The following CISD1 variants were observed in gnomAD, a reference collection of about 807,000 sequenced individuals.
CISD1 encodes CDGSH iron-sulfur domain-containing protein 1.
A neutral mutation model predicts 12.0 loss-of-function variants in CISD1; 8 were observed. That is an observed-to-expected ratio of 0.67 (90% CI 0.39 to 1.20). CISD1 has a LOEUF of 1.20. CISD1 is among the 50% of genes most tolerant of loss of function. CISD1 has a pLI of 0.01. For synonymous variants in CISD1, 38 were observed against 42.2 expected (o/e 0.90, Z 0.39); for missense variants, 107 against 132.7 (o/e 0.81, Z 0.95).
intron 1 of CISD1, among the ~76,000 whole-genome samples, chr10:58,274,162 G>C (rs1839284065): frequency 6.6e-6 from 1 of 152,028 alleles, no homozygotes; most frequent in South Asian, 2.1e-4. Flanking sequence ...AAAAGAATTG[G>C]GTCTCAGTAA....
chr10:58,272,911 T>G (rs1022928515), intron 1 of CISD1, among the ~76,000 whole-genome samples: 8 of 151,976 alleles, frequency 5.3e-5, no homozygotes, highest in Non-Finnish European at 8.8e-5. Flanking sequence ...AGTGCGAGAC[T>G]CCATCGCAAA....
intron 2 of CISD1, among the ~76,000 whole-genome samples, chr10:58,286,337 T>G (rs914482446): frequency 1.3e-5 from 2 of 152,192 alleles, no homozygotes; most frequent in African/African-American, 2.4e-5. Flanking sequence ...AAATAGGTGC[T>G]TTTACATGTA....
At chr10:58,274,977 T>C (rs990641614) in intron 1 of CISD1, among the ~76,000 whole-genome samples, 2 of 152,208 alleles carry the variant, frequency 1.3e-5, no homozygotes, top group Non-Finnish European at 2.9e-5. Flanking sequence ...TGAAACAAAT[T>C]AACCAATACT....
At chr10:58,284,944 C>T (rs1438995090) in intron 2 of CISD1, among the ~76,000 whole-genome samples, 4 of 152,128 alleles carry the variant, frequency 2.6e-5, no homozygotes, top group African/African-American at 4.8e-5. Flanking sequence ...CTTTTATGCT[C>T]ACTGTAAAAT....
At chr10:58,269,673 G>T (rs1436395576) in intron 1 of CISD1, among the ~76,000 whole-genome samples, 2 of 152,228 alleles carry the variant, frequency 1.3e-5, no homozygotes, top group East Asian at 3.8e-4. Flanking sequence ...AAACCTGTTT[G>T]CCCTTCTCAT....
intron 2 of CISD1, among the ~76,000 whole-genome samples, chr10:58,283,440 A>G (rs1459333999): frequency 2.0e-5 from 3 of 152,210 alleles, no homozygotes; most frequent in Admixed American, 6.5e-5. Context: ...TCTCAACCAA[A>G]GCAAGCATAT....
chr10:58,269,385 A>T (rs919993489), intron 1 of CISD1, 81 bp downstream of exon 1: 4 of 1,301,960 alleles, frequency 3.1e-6, no homozygotes, highest in Non-Finnish European at 4.3e-6. Context: ...TTGTTTTACC[A>T]CTGCCCTACG....
chr10:58,270,823 G>T (rs1839237976), intron 1 of CISD1, among the ~76,000 whole-genome samples: 1 of 152,170 alleles, frequency 6.6e-6, no homozygotes, highest in Admixed American at 6.5e-5. Flanking sequence ...AATCACTGAA[G>T]CAGGTTATTG....
Position 58,287,826 on chromosome 10 carries a change from T to C in CISD1, c.*176T>C. The C allele has an allele frequency of 2.7e-6, 1 of 376,522 alleles. No homozygotes were observed. The allele number at this position is 376,522 out of a possible 1,614,324, so 23.3% of individuals were successfully genotyped here. On this transcript the variant is annotated 3_prime_UTR_variant, in exon 3 of 3. Coordinates refer to ENST00000333926, the MANE Select transcript of CISD1 (RefSeq NM_018464.5). ...GTTGAAACATCGTGGTGCACATTTG[T>C]TTAAACAAAAAAAAAAAAAAAAAGG...
intron 2 of CISD1, among the ~76,000 whole-genome samples, chr10:58,282,610 C>G (rs1839385284): frequency 6.6e-6 from 1 of 152,154 alleles, no homozygotes; most frequent in South Asian, 2.1e-4. Flanking sequence ...CCCACAGATA[C>G]AGATGGGGCC....
At chr10:58,286,372 A>G (rs1206428860) in intron 2 of CISD1, among the ~76,000 whole-genome samples, 1 of 152,172 alleles carries the variant, frequency 6.6e-6, no homozygotes, top group Non-Finnish European at 1.5e-5. Context: ...AAAGTTACGA[A>G]TAAAGGTAAT....
At chr10:58,286,874 A>G (rs1839435073) in intron 2 of CISD1, among the ~76,000 whole-genome samples, 1 of 152,270 alleles carries the variant, frequency 6.6e-6, no homozygotes, top group African/African-American at 2.4e-5. Flanking sequence ...TGAAAAAATA[A>G]GCAAAATGAA....
rs1839447002 is a variant in CISD1, at chr10:58,287,878, T to A, written c.*228T>A. 4 of 396,896 alleles carry A rather than the reference T, an allele frequency of 1.0e-5. No homozygotes were observed. In the South Asian group the frequency reaches 2.5e-4, roughly 25 times the overall value. 24.6% of individuals were successfully genotyped at this position (396,896 alleles called of 1,614,324 possible). On this transcript the variant is annotated 3_prime_UTR_variant, in exon 3 of 3. Coordinates refer to ENST00000333926, the MANE Select transcript of CISD1 (RefSeq NM_018464.5). Reference sequence around the variant, plus strand: ...AAAACCAACCTGCATGGCCTGTGGGTTATTTTGGTCTTGTAAGGATCCATT... The same window carrying A: ...AAAACCAACCTGCATGGCCTGTGGGATATTTTGGTCTTGTAAGGATCCATT...
chr10:58,287,787 A>T lies in CISD1; in HGVS notation c.*137A>T. On this transcript the variant is annotated 3_prime_UTR_variant, in exon 3 of 3. Coordinates refer to ENST00000333926, the MANE Select transcript of CISD1 (RefSeq NM_018464.5). ...ATTGCAAACTGCAGCTTTCACATTT[A>T]TGGCATTTGTCTTGTTGAAACATCG... 2 of 411,136 alleles carry T rather than the reference A, an allele frequency of 4.9e-6. No individual in the cohort carries two copies. Among genetic ancestry groups the T allele is most frequent in the South Asian group, 5.6e-5 (1 of 17,716 alleles). The allele number at this position is 411,136 out of a possible 1,614,324, so 25.5% of individuals were successfully genotyped here.
In CISD1 at chr10:58,289,365, G is replaced by A. The variant is rs1165818213; in HGVS notation, c.*1715G>A. The A allele has an allele frequency of 1.3e-5, 2 of 151,990 alleles. No homozygotes were observed. The highest frequency in any genetic ancestry group is 2.9e-5 in the Non-Finnish European group (2 of 67,906). 9.4% of individuals were successfully genotyped at this position (151,990 alleles called of 1,614,324 possible). ...ATTTTTGTAATGTCAGGGGGAACCT[G>A]GTACCAGTTCTCAAAACTATAGGAT... On this transcript the variant is annotated 3_prime_UTR_variant, in exon 3 of 3. Transcript: ENST00000333926.
At chr10:58,284,643 G>GA (rs1329720835) in intron 2 of CISD1, among the ~76,000 whole-genome samples, 3 of 152,054 alleles carry the variant, frequency 2.0e-5, no homozygotes, top group Admixed American at 1.3e-4. Flanking sequence ...TGGGTGATGA[G>GA]AAAAAATGTA....
chr10:58,277,078 T>G, intron 1 of CISD1, 39 bp from the exon 2 acceptor site: 1 of 1,420,108 alleles, frequency 7.0e-7, no homozygotes, highest in Non-Finnish European at 9.7e-7. Context: ...GGTGTATATT[T>G]TGGTTTTGAT....
chr10:58,269,174 T>G lies in CISD1; in HGVS notation c.-100T>G, dbSNP rs1302869778. The G allele has an allele frequency of 1.6e-6, 2 of 1,280,550 alleles. No individual in the cohort carries two copies. The highest frequency in any genetic ancestry group is 1.1e-6 in the Non-Finnish European group (1 of 894,580). The allele number at this position is 1,280,550 out of a possible 1,614,324, so 79.3% of individuals were successfully genotyped here. On this transcript the variant is annotated 5_prime_UTR_variant, in exon 1 of 3. Transcript: ENST00000333926. The stretch of plus-strand genomic sequence containing the variant: ...GCGCCTGCGCGGTAGCATCGCGGAG[T>G]CGGTGCTTTAGTACGCCGCTGGCAC...
At chr10:58,282,022 C>G (rs1284055074) in intron 2 of CISD1, among the ~76,000 whole-genome samples, 1 of 150,736 alleles carries the variant, frequency 6.6e-6, no homozygotes, top group Non-Finnish European at 1.5e-5. Flanking sequence ...AGTACAGTGT[C>G]GTGATCTCAG....
Sources: allele counts gnomAD v4.1 joint callset (sites outside exome capture counted in the v4.1 genomes callset), GRCh38; gene constraint gnomAD v4.1.1; transcripts MANE v1.5; gene names NCBI Gene and HGNC (gene_info 2026-07-23, HGNC 2026-07-21).